Variants in TCIRG1 observed in about 807,000 individuals in gnomAD.
The protein encoded by TCIRG1 is V-type proton ATPase 116 kDa subunit a 3.
In TCIRG1, 86 loss-of-function variants were observed where a neutral mutation model predicts 95.5. That is an observed-to-expected ratio of 0.90 (90% CI 0.76 to 1.08). TCIRG1 has a LOEUF of 1.08. TCIRG1 is among the 50% of genes least tolerant of loss of function. TCIRG1 has a pLI of 0.00. For synonymous variants in TCIRG1, 499 were observed against 501.3 expected (o/e 1.00, Z 0.06); for missense variants, 1,069 against 1,140.2 (o/e 0.94, Z 0.90).
rs772173081 is a variant in TCIRG1, at chr11:68,050,019, T to C, written c.2071T>C (p.Ser691Pro). Reference sequence around the variant, plus strand: ...TGACGCATCTGTGAATGGCTGGAGCTCCGATGAGGAAAAGGCAGGGGGCCT... The same window carrying C: ...TGACGCATCTGTGAATGGCTGGAGCCCCGATGAGGAAAAGGCAGGGGGCCT... Reference protein sequence around the residue: ...LPDASVNGWSSDEEKAGGLDD... With the variant: ...LPDASVNGWSPDEEKAGGLDD... The change falls in exon 17 of 20, where the codon TCC becomes CCC. Residue 691 changes from serine to proline, a missense_variant. Ser to Pro is a moderately conservative substitution (Grantham distance 74). Transcript: ENST00000265686. The C allele has an allele frequency of 3.7e-6, 6 of 1,613,098 alleles. No homozygotes were observed. The highest frequency in any genetic ancestry group is 5.1e-6 in the Non-Finnish European group (6 of 1,179,904).
intron 5 of TCIRG1, 98 bp downstream of exon 5, chr11:68,043,129 C>A: frequency 6.5e-7 from 1 of 1,543,184 alleles, no homozygotes; most frequent in Non-Finnish European, 8.7e-7. Flanking sequence ...TTGTCCAGTG[C>A]TCTCCCCAGG....
Position 68,043,860 on chromosome 11 carries a change from C to T in TCIRG1, c.760C>T (p.Leu254Phe), listed in dbSNP as rs569142867. 7 of 1,569,644 alleles carry T rather than the reference C, an allele frequency of 4.5e-6. No homozygotes were observed. The East Asian group carries it at 1.2e-4, about 26-fold the overall frequency. The change falls in exon 8 of 20, where the codon CTC becomes TTC. Residue 254 changes from leucine to phenylalanine, a missense_variant. Leu to Phe is a conservative substitution (Grantham distance 22). Coordinates refer to ENST00000265686, the MANE Select transcript of TCIRG1 (RefSeq NM_006019.4). ...GTTTCTGCAGCAGGAGGAGGCCCGC[C>T]TCGGGGCCCTGCAGCAGCTGCAACA... Reference protein sequence around the residue: ...FPFLQQEEARLGALQQLQQQS... With the variant: ...FPFLQQEEARFGALQQLQQQS...
rs747914463 is a variant in TCIRG1 at position 68,041,354 on chromosome 11, G to A, written c.83G>A (p.Arg28Gln). Reference sequence around the variant, plus strand: ...GCGGCTGCCTACACCTGCGTGAGTCGGCTGGGCGAGCTGGGCCTCGTGGAG... The same window carrying A: ...GCGGCTGCCTACACCTGCGTGAGTCAGCTGGGCGAGCTGGGCCTCGTGGAG... The part of the protein sequence containing the change: ...PTAAAYTCVS[R>Q]LGELGLVEFR... Residue 28 changes from arginine (R) to glutamine (Q), a missense_variant, in exon 2 of 20, where the codon CGG (arginine) becomes CAG (glutamine). Arg to Gln is a conservative substitution (Grantham distance 43). Transcript: ENST00000265686. 1.9e-5 allele frequency: 30 copies of A among 1,613,098 alleles called. No homozygotes were observed. In the South Asian group the frequency reaches 2.1e-4, roughly 11 times the overall value.
In TCIRG1 at chr11:68,049,172, A is replaced by G; in HGVS notation, c.1765A>G (p.Ile589Val). 6.2e-7 allele frequency: 1 copy of G among 1,614,030 alleles called. No homozygotes were observed. Residue 589 changes from isoleucine to valine, a missense_variant, in exon 15 of 20, where the codon ATC becomes GTC. Coordinates refer to ENST00000265686, the MANE Select transcript of TCIRG1 (RefSeq NM_006019.4). The part of the protein sequence containing the change: ...GLFGYLVFLV[I>V]YKWLCVWAAR... ...CTTCGGTTACCTCGTGTTCCTAGTC[A>G]TCTACAAGTGGCTGTGTGTCTGGGC...
At chr11:68,043,724 T>C in intron 7 of TCIRG1, 71 bp downstream of exon 7, 1 of 1,527,010 alleles carries the variant, frequency 6.5e-7, no homozygotes. Flanking sequence ...CAGCCCGCCC[T>C]ATCGTGACTC....
Position 68,043,813 on chromosome 11 carries a change from G to A in TCIRG1, c.714-1G>A. 6.4e-7 allele frequency: 1 copy of A among 1,561,132 alleles called. No individual in the cohort carries two copies. Among genetic ancestry groups the A allele is most frequent in the South Asian group, 1.2e-5 (1 of 84,908 alleles). On this transcript the variant is annotated splice_acceptor_variant, in intron 7 of 19. Coordinates refer to ENST00000265686, the MANE Select transcript of TCIRG1 (RefSeq NM_006019.4). LOFTEE classifies it high-confidence loss of function. Reference sequence around the variant, plus strand: ...CCTCACGCAGCGCATCCTCCCTCCAGCTTCCACTGCCACGTCTTCCCGTTT... The same window carrying A: ...CCTCACGCAGCGCATCCTCCCTCCAACTTCCACTGCCACGTCTTCCCGTTT...
At chr11:68,053,594 T>G, downstream of TCIRG1, 1 of 194,120 alleles carries the variant, frequency 5.2e-6, no homozygotes, top group Non-Finnish European at 1.1e-5. Context: ...CTGGTCACAG[T>G]GTTCACCAGC....
chr11:68,047,653 C>T lies in TCIRG1; in HGVS notation c.1312C>T (p.Gln438Ter), dbSNP rs1418193014. 2 of 1,613,384 alleles carry T rather than the reference C, an allele frequency of 1.2e-6. No individual in the cohort carries two copies. Among genetic ancestry groups the T allele is most frequent in the Non-Finnish European group, 1.7e-6 (2 of 1,180,008 alleles). Reference sequence around the variant, plus strand: ...CACACCACTGCCCCCCCAGATCTGGCAGACTTTCTTCAGGGGCCGCTACCT... The same window carrying T: ...CACACCACTGCCCCCCCAGATCTGGTAGACTTTCTTCAGGGGCCGCTACCT... ...AVKAAQNEIWQTFFRGRYLLL... is the reference protein window; with the variant it reads ...AVKAAQNEIW The change falls in exon 12 of 20, where the codon CAG (glutamine) becomes TAG (stop). Residue 438 changes from glutamine (Q) to a stop codon, truncating the protein, a stop_gained. Coordinates refer to ENST00000265686, the MANE Select transcript of TCIRG1 (RefSeq NM_006019.4). LOFTEE classifies it high-confidence loss of function.
chr11:68,050,715 C>T (rs768959570), intron 19 of TCIRG1, 26 bp from the exon 20 acceptor site: 13 of 1,613,868 alleles, frequency 8.1e-6, no homozygotes, highest in Non-Finnish European at 8.5e-7. Context: ...GTTCCCCTCA[C>T]CAACCCCTCT....
Position 68,050,669 on chromosome 11 carries a change from GCGACCAC to G in TCIRG1, c.2414+7_2414+13del. On this transcript the variant is annotated splice_donor_region_variant and intron_variant, in intron 19 of 19. Coordinates refer to ENST00000265686, the MANE Select transcript of TCIRG1 (RefSeq NM_006019.4). ...GCACGCCCTGCGGCTGCACTGGTGA[GCGACCAC>G]CCACTGGCCTGGGCTGCTCAAGGCG... The G allele has an allele frequency of 6.2e-7, 1 of 1,613,448 alleles. No individual in the cohort carries two copies. The highest frequency in any genetic ancestry group is 8.5e-7 in the Non-Finnish European group (1 of 1,180,014).
chr11:68,051,013 T>C (rs1048374262), downstream of TCIRG1: 4 of 655,132 alleles, frequency 6.1e-6, no homozygotes, highest in African/African-American at 5.4e-5. Flanking sequence ...TCTGCAATAA[T>C]GTCAGACTCT....
Position 68,049,243 on chromosome 11 carries a change from C to T in TCIRG1, c.1836C>T (p.Asn612=), listed in dbSNP as rs886042823. 1 of 1,613,738 alleles carries T rather than the reference C, an allele frequency of 6.2e-7. No individual in the cohort carries two copies. Among genetic ancestry groups the T allele is most frequent in the African/African-American group, 1.3e-5 (1 of 75,074 alleles). The part of the protein sequence containing the change: ...SAPSILIHFI[N]MFLFSHSPSN... Reference sequence around the variant, plus strand: ...CCAGCATCCTCATCCACTTCATCAACATGTTCCTCTTCTCCCACAGCCCCA... The same window carrying T: ...CCAGCATCCTCATCCACTTCATCAATATGTTCCTCTTCTCCCACAGCCCCA... Residue 612 remains asparagine (N), a synonymous_variant, in exon 15 of 20, where the codon AAC becomes AAT. Transcript: ENST00000265686.
In TCIRG1 at chr11:68,043,597, C is replaced by G; in HGVS notation, c.657C>G (p.Phe219Leu). Residue 219 changes from phenylalanine (F) to leucine (L), a missense_variant, in exon 7 of 20, where the codon TTC becomes TTG. By Grantham distance (22) the Phe-to-Leu change is conservative. Coordinates refer to ENST00000265686, the MANE Select transcript of TCIRG1 (RefSeq NM_006019.4). ...VTGEPATWMT[F>L]LISYWGEQIG... Reference sequence around the variant, plus strand: ...GCGAGCCAGCCACGTGGATGACCTTCCTCATCTCCTACTGGGGTGAGCAGA... The same window carrying G: ...GCGAGCCAGCCACGTGGATGACCTTGCTCATCTCCTACTGGGGTGAGCAGA... The G allele has an allele frequency of 6.2e-7, 1 of 1,611,198 alleles. No homozygotes were observed. The highest frequency in any genetic ancestry group is 8.5e-7 in the Non-Finnish European group (1 of 1,179,250).
downstream of TCIRG1, chr11:68,053,556 T>C (rs1855880974): frequency 5.6e-6 from 1 of 178,876 alleles, no homozygotes; most frequent in Non-Finnish European, 1.2e-5. Flanking sequence ...GTGAGCACCG[T>C]CTATAACACA....
At chr11:68,045,136 G>A (rs760711532) in intron 10 of TCIRG1, 34 bp downstream of exon 10, 28 of 1,598,736 alleles carry the variant, frequency 1.8e-5, no homozygotes, top group Non-Finnish European at 2.2e-5. Context: ...CGTGTCCTGG[G>A]AGGCTCAGCT....
At position 68,047,740 on chromosome 11, in the gene TCIRG1, C is replaced by G. The variant is rs774863206; in HGVS notation, c.1399C>G (p.Arg467Gly). The G allele has an allele frequency of 6.2e-7, 1 of 1,613,254 alleles. No homozygotes were observed. Among genetic ancestry groups the G allele is most frequent in the Non-Finnish European group, 8.5e-7 (1 of 1,179,990 alleles). Residue 467 changes from arginine to glycine, a missense_variant, in exon 12 of 20, where the codon CGC becomes GGC. Arg to Gly is a moderately radical substitution (Grantham distance 125). Transcript: ENST00000265686. The part of the protein sequence containing the change: ...TGFIYNECFS[R>G]ATSIFPSGWS... ...CTTCATCTACAACGAGTGCTTCAGT[C>G]GCGCCACCAGCATCTTCCCCTCGGG...
rs745676260 is a variant in TCIRG1 at position 68,042,685 on chromosome 11, C to T, written c.239C>T (p.Pro80Leu). The T allele has an allele frequency of 2.5e-5, 39 of 1,546,422 alleles. No homozygotes were observed. In the South Asian group the frequency reaches 4.5e-4, roughly 18 times the overall value. The change falls in exon 4 of 20, where the codon CCC (proline) becomes CTC (leucine). Residue 80 changes from proline (P) to leucine (L), a missense_variant. Physicochemically the swap from Pro to Leu is moderately conservative, Grantham distance 98. Coordinates refer to ENST00000265686, the MANE Select transcript of TCIRG1 (RefSeq NM_006019.4). Reference sequence around the variant, plus strand: ...GTGCGGCGGGCTGGGCTGGTCCTGCCCCCGCCAAAGGGGAGGCTGCCGGCA... The same window carrying T: ...GTGCGGCGGGCTGGGCTGGTCCTGCTCCCGCCAAAGGGGAGGCTGCCGGCA... ...EEVRRAGLVLPPPKGRLPAPP... is the reference protein window; with the variant it reads ...EEVRRAGLVLLPPKGRLPAPP...
chr11:68,047,652 G>T lies in TCIRG1; in HGVS notation c.1311G>T (p.Trp437Cys). Residue 437 changes from tryptophan to cysteine, a missense_variant, in exon 12 of 20, where the codon TGG (tryptophan) becomes TGT (cysteine). Physicochemically the swap from Trp to Cys is radical, Grantham distance 215 (BLOSUM62 -2). Coordinates refer to ENST00000265686, the MANE Select transcript of TCIRG1 (RefSeq NM_006019.4). ...CCACACCACTGCCCCCCCAGATCTG[G>T]CAGACTTTCTTCAGGGGCCGCTACC... ...PAVKAAQNEI[W>C]QTFFRGRYLL... 1 of 1,613,254 alleles carries T rather than the reference G, an allele frequency of 6.2e-7. No individual in the cohort carries two copies. The highest frequency in any genetic ancestry group is 1.3e-5 in the African/African-American group (1 of 75,026).
Position 68,049,292 on chromosome 11 carries a change from C to G in TCIRG1, c.1885C>G (p.Gln629Glu), listed in dbSNP as rs895239701. ...SPSNRLLYPR[Q>E]EVVQATLVVL... ...CAGCAACAGGCTGCTCTACCCCCGG[C>G]AGGTGGGCTGCGGCTGGTGGGGGCC... is the stretch of plus-strand genomic sequence containing the variant. Residue 629 changes from glutamine (Q) to glutamate (E), a missense_variant and splice_region_variant, in exon 15 of 20, where the codon CAG becomes GAG. Physicochemically the swap from Gln to Glu is conservative, Grantham distance 29. Coordinates refer to ENST00000265686, the MANE Select transcript of TCIRG1 (RefSeq NM_006019.4). 6.2e-7 allele frequency: 1 copy of G among 1,606,556 alleles called. No individual in the cohort carries two copies. The highest frequency in any genetic ancestry group is 8.5e-7 in the Non-Finnish European group (1 of 1,176,028).
Sources: gnomAD v4.1 joint callset for allele counts on GRCh38, gnomAD v4.1.1 for gene constraint, MANE v1.5 for transcripts, NCBI Gene and HGNC (gene_info 2026-07-23, HGNC 2026-07-21) for gene names.